Variants in KCNMB3 observed in about 807,000 individuals in gnomAD.
KCNMB3 encodes the protein calcium-activated potassium channel subunit beta-3.
A neutral mutation model predicts 11.9 loss-of-function variants in KCNMB3; 18 were observed. That is an observed-to-expected ratio of 1.51 (90% CI 1.04 to 2.23). KCNMB3 has a LOEUF of 2.23. Ranked by LOEUF, KCNMB3 falls within the 30% of genes most tolerant of loss-of-function variation. KCNMB3 has a pLI of 0.00. For synonymous variants in KCNMB3, 78 were observed against 119.2 expected (o/e 0.65, Z 2.25); for missense variants, 247 against 329.4 (o/e 0.75, Z 1.94).
At chr3:179,247,427 A>C (rs1725679672) in intron 1 of KCNMB3, among the ~76,000 whole-genome samples, 1 of 152,162 alleles carries the variant, frequency 6.6e-6, no homozygotes, top group African/African-American at 2.4e-5. Flanking sequence ...AGGTATAGCC[A>C]AGACAAGAGA....
At chr3:179,252,433 T>A (rs116317364), upstream of KCNMB3, among the ~76,000 whole-genome samples, 2,253 of 152,232 alleles carry the variant, frequency 0.015, 23 homozygotes, top group Non-Finnish European at 0.024. Flanking sequence ...CCCACAAGCA[T>A]AGTTTATGCC....
At chr3:179,247,614 C>CAATG (rs1725688134) in intron 1 of KCNMB3, among the ~76,000 whole-genome samples, 1 of 152,184 alleles carries the variant, frequency 6.6e-6, no homozygotes, top group East Asian at 1.9e-4. Context: ...GCAGCCAAAG[C>CAATG]AATGAAGGAA....
upstream of KCNMB3, among the ~76,000 whole-genome samples, chr3:179,255,493 G>T (rs1725983810): frequency 6.6e-6 from 1 of 152,126 alleles, no homozygotes; most frequent in Admixed American, 6.5e-5. Context: ...AAGATAATTA[G>T]TGAACACAGA....
At chr3:179,254,643 T>G (rs1345763983), upstream of KCNMB3, among the ~76,000 whole-genome samples, 1 of 151,934 alleles carries the variant, frequency 6.6e-6, no homozygotes, top group Non-Finnish European at 1.5e-5. Flanking sequence ...AAACCCTATC[T>G]CTACTAAAAA....
Position 179,250,723 on chromosome 3 carries a change from T to A in KCNMB3, c.248+20A>T. The A allele has an allele frequency of 6.2e-7, 1 of 1,612,820 alleles. No individual in the cohort carries two copies. The highest frequency in any genetic ancestry group is 8.5e-7 in the Non-Finnish European group (1 of 1,178,972). On this transcript the variant is annotated intron_variant, in intron 1 of 2. Transcript: ENST00000392685. ...CTTATCTGAATTGGAAACTCTAGAT[T>A]TCCTTCCTCTGTTTCTTACCTGAGC... is the stretch of plus-strand genomic sequence containing the variant.
intron 1 of KCNMB3, chr3:179,259,826 G>A: frequency 3.1e-6 from 5 of 1,606,182 alleles, no homozygotes; most frequent in Non-Finnish European, 4.2e-6. Flanking sequence ...CACTTTGAGT[G>A]TCTACTGTAC....
At chr3:179,242,751 T>C, downstream of KCNMB3, 2 of 1,190,442 alleles carry the variant, frequency 1.7e-6, no homozygotes, top group African/African-American at 1.6e-5. Context: ...ATAAATAGAA[T>C]ACAAAATGAG....
chr3:179,251,005 G>A lies in KCNMB3; in HGVS notation c.-15C>T. 1 of 1,614,204 alleles carries A rather than the reference G, an allele frequency of 6.2e-7. No individual in the cohort carries two copies. Among genetic ancestry groups the A allele is most frequent in the Non-Finnish European group, 8.5e-7 (1 of 1,180,044 alleles). ...AGGGGGAACATTTCCAATCCATGGG[G>A]ACTGGAGGGATAATCTCATTTGCTG... On this transcript the variant is annotated 5_prime_UTR_variant, in exon 1 of 3. Coordinates refer to ENST00000392685, the MANE Select transcript of KCNMB3 (RefSeq NM_171830.2).
intron 1 of KCNMB3, among the ~76,000 whole-genome samples, chr3:179,250,523 G>A (rs943399148): frequency 2.6e-5 from 4 of 152,162 alleles, no homozygotes; most frequent in Non-Finnish European, 5.9e-5. Context: ...TGAGATGGGA[G>A]GAGGCAGTGC....
chr3:179,249,847 A>G (rs1034567535), intron 1 of KCNMB3, among the ~76,000 whole-genome samples: 1 of 152,182 alleles, frequency 6.6e-6, no homozygotes, highest in African/African-American at 2.4e-5. Context: ...ACACATGGAC[A>G]CCTAGAGGGG....
rs1201324919 is a variant in KCNMB3 at position 179,243,148 on chromosome 3, A to G, written c.584T>C (p.Val195Ala). 7.8e-6 allele frequency: 12 copies of G among 1,530,628 alleles called. No individual in the cohort carries two copies. The highest frequency in any genetic ancestry group is 1.4e-5 in the African/African-American group (1 of 72,128). 94.8% of individuals were successfully genotyped at this position (1,530,628 alleles called of 1,614,324 possible). A position where few individuals can be genotyped will look rare whatever the true frequency, so the allele number is the denominator to read the frequency against. The change falls in exon 3 of 3, where the codon GTC becomes GCC. Residue 195 changes from valine to alanine, a missense_variant. Coordinates refer to ENST00000392685, the MANE Select transcript of KCNMB3 (RefSeq NM_171830.2). ...FYSPASQSED[V>A]ILIKKYDQMA... Reference sequence around the variant, plus strand: ...TTGGTCATACTTTTTTATAAGAATGACATCTTCAGATTGGCTGGCTGGACT... The same window carrying G: ...TTGGTCATACTTTTTTATAAGAATGGCATCTTCAGATTGGCTGGCTGGACT...
Position 179,250,691 on chromosome 3 carries a change from C to T in KCNMB3, c.248+52G>A, listed in dbSNP as rs945953223. On this transcript the variant is annotated intron_variant, in intron 1 of 2. Transcript: ENST00000392685. Reference sequence around the variant, plus strand: ...CAGCCTCTCCTCCTTTACCGCTGTGCCTGGATCTTATCTGAATTGGAAACT... The same window carrying T: ...CAGCCTCTCCTCCTTTACCGCTGTGTCTGGATCTTATCTGAATTGGAAACT... 74 of 1,578,510 alleles carry T rather than the reference C, an allele frequency of 4.7e-5. No individual in the cohort carries two copies. In the Admixed American group the frequency reaches 1.2e-3, roughly 25 times the overall value.
At chr3:179,262,225 T>C (rs1272682791) in intron 1 of KCNMB3, among the ~76,000 whole-genome samples, 1 of 152,244 alleles carries the variant, frequency 6.6e-6, no homozygotes, top group Non-Finnish European at 1.5e-5. Flanking sequence ...ATGATAAATA[T>C]AGAATACTCA....
chr3:179,262,656 T>C (rs988597634), intron 1 of KCNMB3, among the ~76,000 whole-genome samples: 5 of 152,238 alleles, frequency 3.3e-5, no homozygotes, highest in South Asian at 2.1e-4. Context: ...AGAGAGCCGA[T>C]TGGTCCATTT....
chr3:179,249,353 AAAG>A (rs763338692), intron 1 of KCNMB3, among the ~76,000 whole-genome samples: 2 of 150,538 alleles, frequency 1.3e-5, no homozygotes, highest in Non-Finnish European at 3.0e-5. Flanking sequence ...AAGCTAGAGA[AAAG>A]AAAATGTTAT....
chr3:179,251,866 C>T (rs1289360774), upstream of KCNMB3, among the ~76,000 whole-genome samples: 2 of 152,040 alleles, frequency 1.3e-5, no homozygotes, highest in East Asian at 1.9e-4. Flanking sequence ...GGATTACAGG[C>T]GCCGGCCACC....
At chr3:179,246,992 T>C (rs566672296) in intron 1 of KCNMB3, among the ~76,000 whole-genome samples, 131 of 152,044 alleles carry the variant, frequency 8.6e-4, no homozygotes, top group Non-Finnish European at 1.5e-3. Context: ...GGATGAGAGG[T>C]TGAGGGAGTG....
intron 1 of KCNMB3, among the ~76,000 whole-genome samples, chr3:179,262,376 C>A (rs533104796): frequency 6.6e-6 from 1 of 151,988 alleles, no homozygotes; most frequent in Non-Finnish European, 1.5e-5. Flanking sequence ...CTTAAGGCGG[C>A]GCCTCTGGAG....
At chr3:179,263,347 C>A (rs1393472898) in intron 1 of KCNMB3, among the ~76,000 whole-genome samples, 1 of 130,898 alleles carries the variant, frequency 7.6e-6, no homozygotes, top group East Asian at 1.9e-4. Context: ...TCGGACTGGC[C>A]CGCAAGCTCC....
Sources: allele counts gnomAD v4.1 joint callset (sites outside exome capture counted in the v4.1 genomes callset), GRCh38; gene constraint gnomAD v4.1.1; transcripts MANE v1.5; gene names NCBI Gene and HGNC (gene_info 2026-07-23, HGNC 2026-07-21).